The following HMGCLL1 variants were observed in gnomAD, a reference collection of about 807,000 sequenced individuals.
The protein encoded by HMGCLL1 is 3-hydroxy-3-methylglutaryl-CoA lyase like 1.
HMGCLL1 carries 36 observed loss-of-function variants against 39.1 expected under a neutral mutation model. The ratio of observed to expected loss-of-function variants is 0.92; its 90% confidence interval spans 0.71 to 1.22. HMGCLL1 has a LOEUF of 1.22. HMGCLL1 is among the 50% of genes most tolerant of loss of function. HMGCLL1 has a pLI of 0.00. For missense variants in HMGCLL1, 451 were observed against 416.5 expected (o/e 1.08, Z -0.72); for synonymous variants, 149 against 144.0 (o/e 1.03, Z -0.25).
At chr6:55,540,638 T>C (rs533011435) in intron 3 of HMGCLL1, among the ~76,000 whole-genome samples, 7 of 152,192 alleles carry the variant, frequency 4.6e-5, no homozygotes, top group Admixed American at 1.3e-4. Context: ...TATTCTGTTA[T>C]AGTATCCCTA....
At chr6:55,442,912 A>G (rs1561883280) in intron 7 of HMGCLL1, among the ~76,000 whole-genome samples, 2 of 152,190 alleles carry the variant, frequency 1.3e-5, no homozygotes, top group Non-Finnish European at 2.9e-5. Flanking sequence ...GCCATGATAT[A>G]AACAGGCAGG....
At chr6:55,511,040 A>G (rs539106488) in intron 5 of HMGCLL1, among the ~76,000 whole-genome samples, 9 of 152,038 alleles carry the variant, frequency 5.9e-5, no homozygotes, top group African/African-American at 1.9e-4. Context: ...CATATCTTGA[A>G]GAATTTCAAT....
At chr6:55,489,738 A>C (rs1370865364) in intron 7 of HMGCLL1, among the ~76,000 whole-genome samples, 1 of 152,082 alleles carries the variant, frequency 6.6e-6, no homozygotes, top group East Asian at 1.9e-4. Flanking sequence ...CATATCTTTA[A>C]TTTTTGGAAT....
chr6:55,617,347 C>T, the HMGCLL1 span, among the ~76,000 whole-genome samples: 15 of 152,056 alleles, frequency 9.9e-5, no homozygotes, highest in African/African-American at 3.6e-4. Context: ...TTGGAAACCG[C>T]ATGCTAAAAG....
intron 7 of HMGCLL1, among the ~76,000 whole-genome samples, chr6:55,492,371 T>A (rs1244002777): frequency 6.6e-6 from 1 of 152,186 alleles, no homozygotes; most frequent in South Asian, 2.1e-4. Context: ...TGTGTTTTTG[T>A]TGTTGTTGGA....
chr6:55,462,130 A>G (rs190221285), intron 7 of HMGCLL1, among the ~76,000 whole-genome samples: 1 of 152,298 alleles, frequency 6.6e-6, no homozygotes, highest in Non-Finnish European at 1.5e-5. Flanking sequence ...ATTAGGATAA[A>G]TAAATAAGGA....
intron 7 of HMGCLL1, among the ~76,000 whole-genome samples, chr6:55,463,212 A>G (rs1455227307): frequency 2.6e-5 from 4 of 151,374 alleles, no homozygotes; most frequent in Admixed American, 1.3e-4. Context: ...TTCTATTTTT[A>G]GTAGAGACGG....
At chr6:55,649,583 C>T in the HMGCLL1 span, among the ~76,000 whole-genome samples, 1 of 151,732 alleles carries the variant, frequency 6.6e-6, no homozygotes, top group East Asian at 1.9e-4. Context: ...AATCTTCTGG[C>T]TGTTCTATAA....
chr6:55,627,917 A>AT, the HMGCLL1 span, among the ~76,000 whole-genome samples: 7 of 3,774 alleles, frequency 1.9e-3, no homozygotes, highest in African/African-American at 3.7e-3. Context: ...TACTATATAT[A>AT]TATAATATAT....
chr6:55,570,044 T>C (rs1305485005), intron 1 of HMGCLL1, among the ~76,000 whole-genome samples: 1 of 152,174 alleles, frequency 6.6e-6, no homozygotes, highest in Non-Finnish European at 1.5e-5. Flanking sequence ...GAGGCTGAGA[T>C]ACCCAAAAAG....
intron 7 of HMGCLL1, among the ~76,000 whole-genome samples, chr6:55,441,890 T>G (rs1167098253): frequency 6.6e-6 from 1 of 151,790 alleles, no homozygotes; most frequent in Non-Finnish European, 1.5e-5. Context: ...AGGGTTTCAC[T>G]ATGTTGGCCA....
the HMGCLL1 span, among the ~76,000 whole-genome samples, chr6:55,595,602 A>G: frequency 6.6e-6 from 1 of 152,200 alleles, no homozygotes; most frequent in Non-Finnish European, 1.5e-5. Flanking sequence ...TAAAAGTCCA[A>G]TATGAGAGAT....
At chr6:55,573,973 C>T (rs113452936) in intron 1 of HMGCLL1, among the ~76,000 whole-genome samples, 6,117 of 152,078 alleles carry the variant, frequency 0.04, 246 homozygotes, top group African/African-American at 0.1. Context: ...AAAAATAAGA[C>T]AAATCGCTGA....
At chr6:55,601,202 G>A in the HMGCLL1 span, among the ~76,000 whole-genome samples, 4 of 152,112 alleles carry the variant, frequency 2.6e-5, no homozygotes, top group Admixed American at 1.3e-4. Flanking sequence ...AGGTCAATTG[G>A]ATGGTGCTGC....
At chr6:55,491,676 G>A (rs1021867739) in intron 7 of HMGCLL1, among the ~76,000 whole-genome samples, 2 of 152,040 alleles carry the variant, frequency 1.3e-5, no homozygotes, top group African/African-American at 2.4e-5. Context: ...TTAGGTACTT[G>A]GCAGAAGGGT....
chr6:55,589,227 C>T, the HMGCLL1 span, among the ~76,000 whole-genome samples: 1 of 152,198 alleles, frequency 6.6e-6, no homozygotes, highest in Non-Finnish European at 1.5e-5. Context: ...GGCTTCATCC[C>T]TGGGATGCAA....
the HMGCLL1 span, among the ~76,000 whole-genome samples, chr6:55,585,899 GA>G: frequency 6.6e-6 from 1 of 151,880 alleles, no homozygotes. Flanking sequence ...AACATCTTAA[GA>G]AAAATAACTA....
chr6:55,524,709 C>T (rs1581897135), intron 3 of HMGCLL1, among the ~76,000 whole-genome samples: 1 of 151,806 alleles, frequency 6.6e-6, no homozygotes, highest in Non-Finnish European at 1.5e-5. Flanking sequence ...TCAAACTTTG[C>T]ATTTTGCCAG....
At chr6:55,489,066 T>C in intron 7 of HMGCLL1, among the ~76,000 whole-genome samples, 1 of 152,040 alleles carries the variant, frequency 6.6e-6, no homozygotes, top group Non-Finnish European at 1.5e-5. Context: ...CACTGGCCAA[T>C]TCAATCCAAT....
Sources: allele counts gnomAD v4.1 joint callset (sites outside exome capture counted in the v4.1 genomes callset), GRCh38; gene constraint gnomAD v4.1.1; transcripts MANE v1.5; gene names NCBI Gene and HGNC (gene_info 2026-07-23, HGNC 2026-07-21).